IPP: variants seen among roughly 807,000 people sequenced by gnomAD.
IPP encodes the protein intracisternal A particle-promoted polypeptide, also known as actin-binding protein IPP.
Under a neutral mutation model 64.1 loss-of-function variants are expected in IPP, and 41 were observed. That is an observed-to-expected ratio of 0.64 (90% CI 0.50 to 0.83). The LOEUF (loss-of-function observed/expected upper bound fraction) is 0.83, where lower values mean the gene tolerates loss of function less well. Ranked by LOEUF, IPP falls within the 40% of genes least tolerant of loss-of-function variation. The pLI, the probability that IPP is intolerant of heterozygous loss-of-function variation, is 0.00. For synonymous variants in IPP, 214 were observed against 235.2 expected (o/e 0.91, Z 0.83); for missense variants, 649 against 703.0 (o/e 0.92, Z 0.87).
At chr1:45,749,115 T>C (rs983237897) in intron 1 of IPP, among the ~76,000 whole-genome samples, 1 of 152,164 alleles carries the variant, frequency 6.6e-6, no homozygotes. Context: ...TTTTGAACCC[T>C]AGTGGTTTAA....
chr1:45,708,916 C>A (rs931937445), intron 8 of IPP, among the ~76,000 whole-genome samples: 2 of 148,938 alleles, frequency 1.3e-5, no homozygotes, highest in Non-Finnish European at 3.0e-5. Flanking sequence ...TACCTGTAAT[C>A]TCAGCTACTT....
chr1:45,702,556 G>A (rs1330365436), intron 8 of IPP, among the ~76,000 whole-genome samples: 1 of 152,130 alleles, frequency 6.6e-6, no homozygotes, highest in Non-Finnish European at 1.5e-5. Flanking sequence ...CTGGGTTGGA[G>A]CAATTCTCCT....
chr1:45,730,493 C>A (rs993241949), intron 3 of IPP, among the ~76,000 whole-genome samples: 2 of 152,038 alleles, frequency 1.3e-5, no homozygotes, highest in African/African-American at 4.8e-5. Context: ...AAAATTATGT[C>A]ATTAACATTT....
chr1:45,727,424 A>G (rs1570010426), intron 5 of IPP, among the ~76,000 whole-genome samples: 1 of 151,976 alleles, frequency 6.6e-6, no homozygotes, highest in African/African-American at 2.4e-5. Context: ...TGAAATATTG[A>G]CCATCTTGCC....
intron 8 of IPP, among the ~76,000 whole-genome samples, chr1:45,704,314 T>C (rs937033297): frequency 4.0e-5 from 6 of 151,752 alleles, no homozygotes; most frequent in Non-Finnish European, 7.4e-5. Flanking sequence ...CTTGGCTCAC[T>C]GCAGCCTCGG....
In IPP at chr1:45,729,603, G is replaced by T; in HGVS notation, c.880+11C>A. On this transcript the variant is annotated intron_variant, in intron 4 of 8. Coordinates refer to ENST00000396478, the MANE Select transcript of IPP (RefSeq NM_005897.3). ...ATATAATTTCTATTACTTTTTTAAG[G>T]GCTCTCTCACCTACTGCATACAGGT... 5 of 1,595,370 alleles carry T rather than the reference G, an allele frequency of 3.1e-6. No individual in the cohort carries two copies. The highest frequency in any genetic ancestry group is 4.3e-6 in the Non-Finnish European group (5 of 1,170,450).
intron 5 of IPP, 81 bp downstream of exon 5, chr1:45,727,550 C>T (rs1645846037): frequency 1.7e-6 from 1 of 590,212 alleles, no homozygotes. Context: ...ATGTATATCA[C>T]ATAGCAACAT....
intron 5 of IPP, among the ~76,000 whole-genome samples, chr1:45,723,481 G>A (rs1645760533): frequency 6.6e-6 from 1 of 152,140 alleles, no homozygotes; most frequent in Non-Finnish European, 1.5e-5. Context: ...AAGGACCTCT[G>A]ACCCTAGGTT....
At chr1:45,736,810 A>G (rs1645987395) in intron 3 of IPP, among the ~76,000 whole-genome samples, 1 of 151,874 alleles carries the variant, frequency 6.6e-6, no homozygotes, top group Admixed American at 6.6e-5. Flanking sequence ...GAGGCCAAGG[A>G]GGGTGGATCA....
At chr1:45,698,701 G>T, downstream of IPP, 1 of 923,896 alleles carries the variant, frequency 1.1e-6, no homozygotes, top group Non-Finnish European at 1.3e-6. Context: ...TAGCAAAAAA[G>T]GAAGAATTTT....
intron 2 of IPP, among the ~76,000 whole-genome samples, chr1:45,743,047 C>A (rs1042248860): frequency 6.6e-6 from 1 of 151,894 alleles, no homozygotes; most frequent in Admixed American, 6.6e-5. Flanking sequence ...AAGTGATTTT[C>A]CTGCCTCAGC....
chr1:45,729,076 G>A (rs1383328762), intron 4 of IPP, among the ~76,000 whole-genome samples: 1 of 150,072 alleles, frequency 6.7e-6, no homozygotes, highest in South Asian at 2.1e-4. Flanking sequence ...AACCCAGGAG[G>A]CAGAGATTGC....
intron 3 of IPP, among the ~76,000 whole-genome samples, chr1:45,740,052 T>G (rs1294948611): frequency 6.6e-6 from 1 of 152,202 alleles, no homozygotes; most frequent in Non-Finnish European, 1.5e-5. Flanking sequence ...TTCAAGCATC[T>G]GTTTAACAAA....
Position 45,717,483 on chromosome 1 carries a change from C to T in IPP, c.1187-466G>A, listed in dbSNP as rs561383937. ...ATTTCAAAAAGGCCCCTTATCCCCA[C>T]AATAACATTTTCTTAACACTCTCCA... On this transcript the variant is annotated intron_variant, in intron 6 of 8. Coordinates refer to ENST00000396478, the MANE Select transcript of IPP (RefSeq NM_005897.3). Among the ~76,000 whole-genome samples, 5 of 151,598 alleles carry T rather than the reference C, an allele frequency of 3.3e-5. No individual in the cohort carries two copies. The South Asian group carries it at 1.0e-3, about 32-fold the overall frequency.
intron 8 of IPP, among the ~76,000 whole-genome samples, chr1:45,704,145 T>C (rs1387289522): frequency 6.6e-6 from 1 of 152,052 alleles, no homozygotes; most frequent in Non-Finnish European, 1.5e-5. Flanking sequence ...TCACTGGAGA[T>C]GTTAGATGGA....
Position 45,729,565 on chromosome 1 carries a change from A to G in IPP, c.880+49T>C, listed in dbSNP as rs1335380511. 2.1e-6 allele frequency: 3 copies of G among 1,426,224 alleles called. No homozygotes were observed. In the South Asian group the frequency reaches 3.6e-5, roughly 17 times the overall value. The allele number at this position is 1,426,224 out of a possible 1,614,324, so 88.3% of individuals were successfully genotyped here. A position where few individuals can be genotyped will look rare whatever the true frequency, so the allele number is the denominator to read the frequency against. ...AACAACAAAATATTAAAAAGGTTTG[A>G]TCTGGAACACAAATATAATTTCTAT... On this transcript the variant is annotated intron_variant, in intron 4 of 8. Coordinates refer to ENST00000396478, the MANE Select transcript of IPP (RefSeq NM_005897.3).
intron 5 of IPP, among the ~76,000 whole-genome samples, chr1:45,725,182 C>T (rs551425259): frequency 0.12 from 14,103 of 117,366 alleles, 1,061 homozygotes; most frequent in Non-Finnish European, 0.17. Context: ...GCCCCCCGCC[C>T]GGCCAGCCGC....
chr1:45,724,052 C>A (rs1435434771), intron 5 of IPP, among the ~76,000 whole-genome samples: 1 of 150,446 alleles, frequency 6.6e-6, no homozygotes, highest in Non-Finnish European at 1.5e-5. Context: ...GACTGTACTG[C>A]TGCCATCTCG....
chr1:45,732,643 T>G (rs904895112), intron 3 of IPP, among the ~76,000 whole-genome samples: 18 of 149,832 alleles, frequency 1.2e-4, no homozygotes, highest in African/African-American at 3.7e-4. Context: ...GACTACCAAA[T>G]GAAACATTTA....
Sources: gnomAD v4.1 joint callset for allele counts (sites outside exome capture counted in the v4.1 genomes callset) on GRCh38, gnomAD v4.1.1 for gene constraint, MANE v1.5 for transcripts, NCBI Gene and HGNC (gene_info 2026-07-23, HGNC 2026-07-21) for gene names.